MPRIP: variants seen among roughly 807,000 people sequenced by gnomAD.
MPRIP encodes myosin phosphatase Rho interacting protein, also known as myosin phosphatase Rho-interacting protein.
Under a neutral mutation model 234.9 loss-of-function variants are expected in MPRIP, and 59 were observed. The ratio of observed to expected loss-of-function variants is 0.25; its 90% CI spans 0.20 to 0.31. The LOEUF (loss-of-function observed/expected upper bound fraction) is 0.31, where lower values mean the gene tolerates loss of function less well. Among genes scored for constraint, MPRIP ranks in the 10% least tolerant of loss-of-function variants. The probability of loss-of-function intolerance (pLI) is 1.00; values close to 1 mark genes in which losing one functional copy is unlikely to be tolerated. For synonymous variants in MPRIP, 1,144 were observed against 1,263.9 expected (o/e 0.91, Z 2.01); for missense variants, 2,436 against 3,071.0 (o/e 0.79, Z 4.89).
At chr17:17,065,875 G>C (rs2089009312) in intron 1 of MPRIP, among the ~76,000 whole-genome samples, 2 of 152,012 alleles carry the variant, frequency 1.3e-5, no homozygotes, top group Admixed American at 1.3e-4. Context: ...CATATTGTGT[G>C]GTATATACAC....
rs1232802890 is a variant in MPRIP at position 17,166,463 on chromosome 17, G to T, written c.4872G>T (p.Glu1624Asp). 7.7e-7 allele frequency: 1 copy of T among 1,304,212 alleles called. No homozygotes were observed. The highest frequency in any genetic ancestry group is 2.3e-5 in the Admixed American group (1 of 43,558). The allele number at this position is 1,304,212 out of a possible 1,614,324, so 80.8% of individuals were successfully genotyped here. ...TWARKVLVDG[E>D]FWSQVESLRK... ...CCAGGAAGGTCCTAGTGGATGGTGA[G>T]TTCTGGAGCCAGGTTGAGTCTCTGA... Residue 1624 changes from glutamate (E) to aspartate (D), a missense_variant, in exon 16 of 24, where the codon GAG becomes GAT. Glu to Asp is a conservative substitution (Grantham distance 45, BLOSUM62 2). Coordinates refer to ENST00000651222, the MANE Select transcript of MPRIP (RefSeq NM_001364716.4). This position sits in a 1 kb window ranked among gnomAD's most constrained non-coding sequence, Gnocchi z 4.4.
chr17:17,117,232 G>C (rs1165177284), intron 3 of MPRIP, among the ~76,000 whole-genome samples: 2 of 152,232 alleles, frequency 1.3e-5, no homozygotes, highest in African/African-American at 4.8e-5. Flanking sequence ...AGCAGCAGGC[G>C]GCACGGGTGT....
At chr17:17,093,320 A>C (rs1044460234) in intron 3 of MPRIP, among the ~76,000 whole-genome samples, 1 of 152,228 alleles carries the variant, frequency 6.6e-6, no homozygotes, top group Non-Finnish European at 1.5e-5. Flanking sequence ...GGAGTTAGGG[A>C]AACAATCTTT....
At chr17:17,156,754 A>G (rs1418017807) in intron 13 of MPRIP, among the ~76,000 whole-genome samples, 1 of 152,220 alleles carries the variant, frequency 6.6e-6, no homozygotes, top group East Asian at 1.9e-4. Context: ...CTCCATGGCC[A>G]GGAGCTCTTA....
At position 17,137,903 on chromosome 17, in the gene MPRIP, C is replaced by G; in HGVS notation, c.737-13C>G. On this transcript the variant is annotated splice_polypyrimidine_tract_variant and intron_variant, in intron 6 of 23. Coordinates refer to ENST00000651222, the MANE Select transcript of MPRIP (RefSeq NM_001364716.4). ...GGCTGAGTGCGTCTCCTCCCTCCCA[C>G]TGTCTCTTCCAGAGGAGAGCGCCAT... is the stretch of plus-strand genomic sequence containing the variant. 6.4e-7 allele frequency: 1 copy of G among 1,568,966 alleles called. No individual in the cohort carries two copies. The highest frequency in any genetic ancestry group is 8.6e-7 in the Non-Finnish European group (1 of 1,158,438).
chr17:17,167,720 C>T lies in MPRIP; in HGVS notation c.6129C>T (p.Pro2043=). The change falls in exon 16 of 24, where the codon CCC becomes CCT. Residue 2043 remains proline (P), a synonymous_variant. Coordinates refer to ENST00000651222, the MANE Select transcript of MPRIP (RefSeq NM_001364716.4). The surrounding 1 kb of genome is among the most constrained non-coding windows in gnomAD (Gnocchi z 5.9). ...TCTGCCTCCACCAGGGGCCACACCC[C>T]AAGGCCCTGCCAGCCCCTGCCCCCA... ...DTLCLHQGPH[P]KALPAPAPNW... 2 of 1,304,186 alleles carry T rather than the reference C, an allele frequency of 1.5e-6. No individual in the cohort carries two copies. The highest frequency in any genetic ancestry group is 2.0e-6 in the Non-Finnish European group (2 of 988,950). 80.8% of individuals were successfully genotyped at this position (1,304,186 alleles called of 1,614,324 possible).
chr17:17,109,844 G>A (rs1367328809), intron 3 of MPRIP, among the ~76,000 whole-genome samples: 1 of 152,218 alleles, frequency 6.6e-6, no homozygotes, highest in Non-Finnish European at 1.5e-5. Flanking sequence ...GTGCACATGC[G>A]GATGGGGGTG....
intron 19 of MPRIP, 62 bp from the exon 20 acceptor site, chr17:17,175,231 T>C: frequency 6.2e-7 from 1 of 1,610,488 alleles, no homozygotes; most frequent in Non-Finnish European, 8.5e-7. Flanking sequence ...CTTCCCGGGT[T>C]GTGTCATGCG....
At chr17:17,101,595 A>T (rs1431690985) in intron 3 of MPRIP, among the ~76,000 whole-genome samples, 1 of 147,918 alleles carries the variant, frequency 6.8e-6, no homozygotes, top group African/African-American at 2.6e-5. Flanking sequence ...TTAAACAACA[A>T]CAACAAAAAA....
At chr17:17,065,618 C>T (rs112114414) in intron 1 of MPRIP, among the ~76,000 whole-genome samples, 1 of 151,816 alleles carries the variant, frequency 6.6e-6, no homozygotes, top group Non-Finnish European at 1.5e-5. Context: ...TAGATTATAC[C>T]CTCTTTTTTT....
chr17:17,067,524 T>C (rs576618238), intron 1 of MPRIP, among the ~76,000 whole-genome samples: 1 of 152,348 alleles, frequency 6.6e-6, no homozygotes, highest in African/African-American at 2.4e-5. Flanking sequence ...CAGAATGGCA[T>C]GCAGTTTAAA....
chr17:17,091,091 C>T (rs1348820610), intron 3 of MPRIP, among the ~76,000 whole-genome samples: 3 of 115,948 alleles, frequency 2.6e-5, no homozygotes, highest in Non-Finnish European at 3.6e-5. Context: ...ATCTCGGGGG[C>T]GGTTGGGGAG....
In MPRIP at chr17:17,165,070, A is replaced by G; in HGVS notation, c.3479A>G (p.His1160Arg). The change falls in exon 16 of 24, where the codon CAC becomes CGC. Residue 1160 changes from histidine to arginine, a missense_variant. By Grantham distance (29) the His-to-Arg change is conservative (BLOSUM62 0). Around this residue, in one of 4 missense-constraint regions of MPRIP, gnomAD observed 1,998 missense variants for 2,520.3 expected, o/e 0.79. Coordinates refer to ENST00000651222, the MANE Select transcript of MPRIP (RefSeq NM_001364716.4). ...GTCTCCAGCCAGCTGCAGAGCATGC[A>G]CACTCTGCTGAGAGAGAAGGAGGAA... ...QRVSSQLQSM[H>R]TLLREKEEEL... The G allele has an allele frequency of 7.7e-7, 1 of 1,303,184 alleles. No homozygotes were observed. The highest frequency in any genetic ancestry group is 1.0e-6 in the Non-Finnish European group (1 of 988,966). The allele number at this position is 1,303,184 out of a possible 1,614,324, so 80.7% of individuals were successfully genotyped here.
At chr17:17,096,171 C>A (rs990940618) in intron 3 of MPRIP, among the ~76,000 whole-genome samples, 7 of 152,108 alleles carry the variant, frequency 4.6e-5, no homozygotes, top group African/African-American at 2.4e-5. Flanking sequence ...TGCCTTGTAC[C>A]CACCTGTTTC....
Position 17,185,338 on chromosome 17 carries a change from T to G in MPRIP, c.*444T>G. 2 of 367,462 alleles carry G rather than the reference T, an allele frequency of 5.4e-6. No homozygotes were observed. The highest frequency in any genetic ancestry group is 7.4e-5 in the East Asian group (1 of 13,550). 22.8% of individuals were successfully genotyped at this position (367,462 alleles called of 1,614,324 possible). A position where few individuals can be genotyped will look rare whatever the true frequency, so the allele number is the denominator to read the frequency against. On this transcript the variant is annotated 3_prime_UTR_variant, in exon 24 of 24. Transcript: ENST00000651222. ...GAAAAAGCTATGCGGACACTCCAGC[T>G]TGGCCTGGGTCACAGCACTGACTCC...
chr17:17,106,208 G>A (rs2090060192), intron 3 of MPRIP, among the ~76,000 whole-genome samples: 1 of 152,250 alleles, frequency 6.6e-6, no homozygotes, highest in African/African-American at 2.4e-5. Context: ...ACACAGCAGA[G>A]GTGCTCAGTA....
At position 17,189,481 on chromosome 17, in the gene MPRIP, G is replaced by A. The variant is rs947411427; in HGVS notation, c.*4587G>A. 8 of 148,970 alleles carry A rather than the reference G, an allele frequency of 5.4e-5. No homozygotes were observed. Among genetic ancestry groups the A allele is most frequent in the Admixed American group, 4.1e-4 (6 of 14,730 alleles). The allele number at this position is 148,970 out of a possible 1,614,324, so 9.2% of individuals were successfully genotyped here. A position where few individuals can be genotyped will look rare whatever the true frequency, so the allele number is the denominator to read the frequency against. On this transcript the variant is annotated 3_prime_UTR_variant, in exon 24 of 24. Coordinates refer to ENST00000651222, the MANE Select transcript of MPRIP (RefSeq NM_001364716.4). ...TGGGATTACAGGCGTGAGCCACCAC[G>A]CCTGGCCTATAAGATACGGTAAAAA...
chr17:17,114,324 A>G (rs1243134713), intron 3 of MPRIP, among the ~76,000 whole-genome samples: 1 of 152,016 alleles, frequency 6.6e-6, no homozygotes, highest in Admixed American at 6.5e-5. Context: ...ATACTTTGTC[A>G]GATATATGAT....
intron 1 of MPRIP, among the ~76,000 whole-genome samples, chr17:17,046,311 T>C (rs73979056): frequency 0.06 from 9,212 of 152,268 alleles, 874 homozygotes; most frequent in African/African-American, 0.2. Flanking sequence ...AGGTTGCTTA[T>C]GGGTTTTGCT....
Sources: gnomAD v4.1 joint callset for allele counts (sites outside exome capture counted in the v4.1 genomes callset) on GRCh38, gnomAD v4.1.1 for gene constraint, gnomAD v4.1.1 regional missense constraint, Gnocchi (gnomAD v3.1) non-coding constraint, MANE v1.5 for transcripts, NCBI Gene and HGNC (gene_info 2026-07-23, HGNC 2026-07-21) for gene names.